ITGB5: variants seen among roughly 807,000 people sequenced by gnomAD.
The protein encoded by ITGB5 is integrin beta-5.
ITGB5 carries 38 observed loss-of-function variants against 84.8 expected under a neutral mutation model. The ratio of observed to expected loss-of-function variants is 0.45; its 90% CI spans 0.35 to 0.59. The LOEUF (loss-of-function observed/expected upper bound fraction) is 0.59. Among genes scored for constraint, ITGB5 ranks in the 20% least tolerant of loss-of-function variants. The pLI is 0.01. For missense variants in ITGB5, 905 were observed against 1,034.5 expected, an observed-to-expected ratio of 0.87 and a Z score of 1.72; for synonymous variants, 393 against 414.4, an observed-to-expected ratio of 0.95 and a Z score of 0.63.
intron 5 of ITGB5, among the ~76,000 whole-genome samples, chr3:124,829,366 G>A (rs7625277): frequency 0.039 from 5,907 of 152,328 alleles, 377 homozygotes; most frequent in African/African-American, 0.13. Flanking sequence ...CGCGTGGGGC[G>A]GAAACGCACT....
At chr3:124,889,616 T>C (rs899136403), upstream of ITGB5, among the ~76,000 whole-genome samples, 5 of 152,214 alleles carry the variant, frequency 3.3e-5, no homozygotes, top group African/African-American at 1.2e-4. Flanking sequence ...AAAACGCTTG[T>C]CCCTAAACAT....
At chr3:124,843,437 T>A (rs1199194965) in intron 4 of ITGB5, among the ~76,000 whole-genome samples, 1 of 152,248 alleles carries the variant, frequency 6.6e-6, no homozygotes, top group Non-Finnish European at 1.5e-5. Context: ...CCAGGAAAGC[T>A]GTGACAAACT....
intron 4 of ITGB5, 124 bp from the exon 5 acceptor site, chr3:124,841,675 G>GGA: frequency 1.2e-6 from 1 of 826,672 alleles, no homozygotes; most frequent in South Asian, 1.8e-5. Flanking sequence ...CCTACCACAT[G>GGA]CCCCAGGACA....
intron 13 of ITGB5, among the ~76,000 whole-genome samples, chr3:124,765,509 C>T (rs933036318): frequency 2.6e-5 from 4 of 152,244 alleles, no homozygotes; most frequent in South Asian, 2.1e-4. Context: ...GCCCTGCACC[C>T]TCCCTGCAGA....
intron 1 of ITGB5, among the ~76,000 whole-genome samples, chr3:124,898,643 CAAAAAAAAAAAAAAAA>C (rs68025034): frequency 3.4e-5 from 1 of 29,270 alleles, no homozygotes; most frequent in Non-Finnish European, 6.3e-5. Context: ...GACTCCGTCT[CAAAAAAAAAAAAAAAA>C]AAAAAAAAAA....
chr3:124,847,459 T>G (rs1412231343), intron 4 of ITGB5, among the ~76,000 whole-genome samples: 1 of 152,252 alleles, frequency 6.6e-6, no homozygotes, highest in Non-Finnish European at 1.5e-5. Context: ...CTATTTCTTC[T>G]GATTCCTGGG....
intron 5 of ITGB5, among the ~76,000 whole-genome samples, chr3:124,826,175 C>T (rs1463857918): frequency 1.3e-5 from 2 of 152,184 alleles, no homozygotes; most frequent in Middle Eastern, 3.4e-3. Context: ...TTTTTGTTTT[C>T]CCATTATTTT....
chr3:124,785,178 C>T (rs1315001977), intron 10 of ITGB5, among the ~76,000 whole-genome samples: 1 of 152,180 alleles, frequency 6.6e-6, no homozygotes, highest in African/African-American at 2.4e-5. Flanking sequence ...TCAGCCGTAG[C>T]CTCCCACAAG....
chr3:124,782,870 GAA>G (rs113191914), intron 10 of ITGB5, among the ~76,000 whole-genome samples: 7 of 148,032 alleles, frequency 4.7e-5, no homozygotes, highest in African/African-American at 1.7e-4. Flanking sequence ...TCAAAAAAAA[GAA>G]AAAAAAAATG....
At chr3:124,838,195 G>T in intron 5 of ITGB5, among the ~76,000 whole-genome samples, 1 of 142,844 alleles carries the variant, frequency 7.0e-6, no homozygotes, top group African/African-American at 2.6e-5. Flanking sequence ...TTCTGAAACT[G>T]TTCCAGAATA....
At chr3:124,798,302 C>T (rs748973452) in intron 9 of ITGB5, among the ~76,000 whole-genome samples, 3 of 152,010 alleles carry the variant, frequency 2.0e-5, no homozygotes, top group East Asian at 1.9e-4. Flanking sequence ...CTGCCCACTT[C>T]GGCCTCCCAA....
intron 5 of ITGB5, among the ~76,000 whole-genome samples, chr3:124,833,951 C>A (rs2064892937): frequency 6.6e-6 from 1 of 152,194 alleles, no homozygotes. Flanking sequence ...CCAGGGCATC[C>A]TGACCTACTC....
intron 9 of ITGB5, among the ~76,000 whole-genome samples, chr3:124,806,424 A>ATTTTTTTTTTT (rs71145488): frequency 1.4e-5 from 1 of 72,792 alleles, no homozygotes; most frequent in African/African-American, 5.3e-5. Context: ...GCCTCATTCC[A>ATTTTTTTTTTT]TTTTTTTTTT....
At chr3:124,891,404 T>C (rs1934998943), upstream of ITGB5, among the ~76,000 whole-genome samples, 1 of 152,096 alleles carries the variant, frequency 6.6e-6, no homozygotes, top group Non-Finnish European at 1.5e-5. Context: ...ATGAAGGCCT[T>C]TGCAATGGCT....
intron 5 of ITGB5, among the ~76,000 whole-genome samples, chr3:124,828,251 C>A (rs1322680719): frequency 6.6e-6 from 1 of 152,202 alleles, no homozygotes; most frequent in African/African-American, 2.4e-5. Context: ...ACATTTACAG[C>A]AGCTCTCTCA....
chr3:124,821,592 A>G, intron 5 of ITGB5, 118 bp from the exon 6 acceptor site: 1 of 1,111,638 alleles, frequency 9.0e-7, no homozygotes, highest in East Asian at 2.4e-5. Context: ...TCCCCTTGCC[A>G]TGTGTACCTG....
At position 124,856,947 on chromosome 3, in the gene ITGB5, A is replaced by G. The variant is rs556622576; in HGVS notation, c.361+2295T>C. Among the ~76,000 whole-genome samples, 72 of 152,296 alleles carry G rather than the reference A, an allele frequency of 4.7e-4. No homozygotes were observed. In the South Asian group the frequency reaches 0.015, roughly 31 times the overall value. ...TTCTCTCTCAATTCAGTATCTCACT[A>G]AACAAAAAGGCTGAGTGTTGCTTAC... On this transcript the variant is annotated intron_variant, in intron 3 of 14. Coordinates refer to ENST00000296181, the MANE Select transcript of ITGB5 (RefSeq NM_002213.5).
At chr3:124,783,371 G>C (rs1031447557) in intron 10 of ITGB5, among the ~76,000 whole-genome samples, 2 of 151,116 alleles carry the variant, frequency 1.3e-5, no homozygotes, top group Non-Finnish European at 3.0e-5. Context: ...AGAAGACTTA[G>C]TTAAGAGACG....
intron 5 of ITGB5, among the ~76,000 whole-genome samples, chr3:124,834,319 CA>C (rs1263607333): frequency 6.6e-6 from 1 of 151,514 alleles, no homozygotes; most frequent in Non-Finnish European, 1.5e-5. Flanking sequence ...GTTGTGTGCG[CA>C]GTGGTCAGAG....
Sources: allele counts gnomAD v4.1 joint callset (sites outside exome capture counted in the v4.1 genomes callset), GRCh38; gene constraint gnomAD v4.1.1; transcripts MANE v1.5; gene names NCBI Gene and HGNC (gene_info 2026-07-23, HGNC 2026-07-21).